XYLT2: variants seen among roughly 807,000 people sequenced by gnomAD.
The protein encoded by XYLT2 is UDP-D-xylose:proteoglycan core protein beta-D-xylosyltransferase.
A neutral mutation model predicts 82.6 loss-of-function variants in XYLT2; 37 were observed. That is an observed-to-expected ratio of 0.45 (90% CI 0.34 to 0.59). The LOEUF is 0.59. Among genes scored for constraint, XYLT2 ranks in the 20% least tolerant of loss-of-function variants. The pLI is 0.01. For synonymous variants in XYLT2, 474 were observed against 499.0 expected, an observed-to-expected ratio of 0.95 and a Z score of 0.67; for missense variants, 934 against 1,181.3, an observed-to-expected ratio of 0.79 and a Z score of 3.07.
chr17:50,349,070 T>G lies in XYLT2; in HGVS notation c.135+2795T>G, dbSNP rs114851952. 2.8e-3 allele frequency among the ~76,000 whole-genome samples: 420 copies of G among 152,298 alleles called. 2 individuals carry two copies. The highest frequency in any genetic ancestry group is 9.8e-3 in the African/African-American group (408 of 41,576). On this transcript the variant is annotated intron_variant, in intron 1 of 10. Transcript: ENST00000017003. Reference sequence around the variant, plus strand: ...CTTCTCAGGGTCAGCCAGCTCCCACTGCAGTGCAGGGACCAACATGCCCAT... The same window carrying G: ...CTTCTCAGGGTCAGCCAGCTCCCACGGCAGTGCAGGGACCAACATGCCCAT...
chr17:50,355,716 G>T lies in XYLT2; in HGVS notation c.1089-65G>T, dbSNP rs1453519936. ...CAGGTTGAGGAGTGTTGGTTGCCAG[G>T]CGGGTGAAAGAGCTTAGACCCCACC... On this transcript the variant is annotated intron_variant, in intron 5 of 10. Transcript: ENST00000017003. The T allele has an allele frequency of 3.8e-6, 6 of 1,594,344 alleles. No individual in the cohort carries two copies. The African/African-American group carries it at 8.1e-5, about 21-fold the overall frequency.
Position 50,354,573 on chromosome 17 carries a change from A to G in XYLT2, c.794A>G (p.His265Arg). 1 of 1,609,310 alleles carries G rather than the reference A, an allele frequency of 6.2e-7. No individual in the cohort carries two copies. Among genetic ancestry groups the G allele is most frequent in the East Asian group, 2.2e-5 (1 of 44,816 alleles). ...CACGAGCAGCACTTCTTTTACATCC[A>G]TGTGGACAAGGTACTGTGGTGGGGA... ...VYHEQHFFYI[H>R]VDKRSDYLHR... is the part of the protein sequence containing the mutation. Residue 265 changes from histidine (H) to arginine (R), a missense_variant, in exon 3 of 11, where the codon CAT becomes CGT. By Grantham distance (29) the His-to-Arg change is conservative. Around this residue, in one of 3 missense-constraint regions of XYLT2, gnomAD observed 371 missense variants for 394.9 expected, o/e 0.94. Transcript: ENST00000017003.
At position 50,358,579 on chromosome 17, in the gene XYLT2, C is replaced by G. The variant is rs564978530; in HGVS notation, c.2275+39C>G. ...TCTCAAATGAGGCCCAGAAGCCAGACAGAATAGGACTCGCCAGAGAGGTGA... is the reference window on the plus strand; with the variant it reads ...TCTCAAATGAGGCCCAGAAGCCAGAGAGAATAGGACTCGCCAGAGAGGTGA... On this transcript the variant is annotated intron_variant, in intron 10 of 10. Coordinates refer to ENST00000017003, the MANE Select transcript of XYLT2 (RefSeq NM_022167.4). 6 of 1,559,998 alleles carry G rather than the reference C, an allele frequency of 3.8e-6. No individual in the cohort carries two copies. The African/African-American group carries it at 4.1e-5, about 11-fold the overall frequency.
intron 7 of XYLT2, 115 bp downstream of exon 7, chr17:50,356,376 C>A: frequency 6.5e-7 from 1 of 1,550,170 alleles, no homozygotes; most frequent in Non-Finnish European, 8.7e-7. Context: ...TGCAGCAACC[C>A]TCAGGGGTCT....
Position 50,360,532 on chromosome 17 carries a change from C to T in XYLT2, c.*241C>T. 2 of 1,240,096 alleles carry T rather than the reference C, an allele frequency of 1.6e-6. No homozygotes were observed. The highest frequency in any genetic ancestry group is 1.0e-6 in the Non-Finnish European group (1 of 993,970). The allele number at this position is 1,240,096 out of a possible 1,614,324, so 76.8% of individuals were successfully genotyped here. A position where few individuals can be genotyped will look rare whatever the true frequency, so the allele number is the denominator to read the frequency against. ...CACCAGCAGCATTCCACACCCAGCT[C>T]TTCCTCACCTTCCTGTCTAGTTTGA... On this transcript the variant is annotated 3_prime_UTR_variant, in exon 11 of 11. Transcript: ENST00000017003.
At chr17:50,357,412 G>A (rs1468023109) in intron 9 of XYLT2, 160 bp downstream of exon 9, 2 of 680,748 alleles carry the variant, frequency 2.9e-6, no homozygotes, top group Non-Finnish European at 4.8e-6. Flanking sequence ...CCCCCAGCCT[G>A]TGCACACTGA....
Position 50,360,983 on chromosome 17 carries a change from C to T in XYLT2, c.*692C>T. 1.0e-6 allele frequency: 1 copy of T among 985,864 alleles called. No individual in the cohort carries two copies. Among genetic ancestry groups the T allele is most frequent in the Non-Finnish European group, 1.2e-6 (1 of 829,934 alleles). The allele number at this position is 985,864 out of a possible 1,614,324, so 61.1% of individuals were successfully genotyped here. The stretch of plus-strand genomic sequence containing the variant: ...TGGATGGGAAAGGCAGGGTCAGGGC[C>T]CACTGAGACCCATGCAGAGTTTCCA... On this transcript the variant is annotated 3_prime_UTR_variant, in exon 11 of 11. Coordinates refer to ENST00000017003, the MANE Select transcript of XYLT2 (RefSeq NM_022167.4).
Position 50,356,128 on chromosome 17 carries a change from C to T in XYLT2, c.1349C>T (p.Thr450Ile). The change falls in exon 7 of 11, where the codon ACC becomes ATC. Residue 450 changes from threonine to isoleucine, a missense_variant. This residue lies in a region of XYLT2 where 189 missense variants were observed against 320.8 expected (regional missense o/e 0.59). Coordinates refer to ENST00000017003, the MANE Select transcript of XYLT2 (RefSeq NM_022167.4). ...TVLENSLACE[T>I]LVDNNLRVTN... is the part of the protein sequence containing the mutation. ...CTGGAGAACAGCCTGGCCTGTGAGA[C>T]CCTCGTGGACAACAACCTGCGGGTC... The T allele has an allele frequency of 2.5e-6, 4 of 1,614,232 alleles. No individual in the cohort carries two copies. Among genetic ancestry groups the T allele is most frequent in the Non-Finnish European group, 3.4e-6 (4 of 1,180,040 alleles).
intron 1 of XYLT2, among the ~76,000 whole-genome samples, chr17:50,353,081 G>A (rs1912337692): frequency 6.6e-6 from 1 of 152,200 alleles, no homozygotes; most frequent in South Asian, 2.1e-4. Flanking sequence ...GACCTAAGCA[G>A]TATTGGGGTC....
At chr17:50,349,426 GC>G (rs565145819) in intron 1 of XYLT2, among the ~76,000 whole-genome samples, 65 of 152,052 alleles carry the variant, frequency 4.3e-4, no homozygotes, top group African/African-American at 1.4e-3. Flanking sequence ...GGGAATGGGC[GC>G]CCCCAGCTCC....
Position 50,346,657 on chromosome 17 carries a change from G to C in XYLT2, c.135+382G>C, listed in dbSNP as rs533980503. The C allele has an allele frequency of 1.1e-3, 1,129 of 985,380 alleles. No individual in the cohort carries two copies. Among genetic ancestry groups the C allele is most frequent in the Non-Finnish European group, 1.3e-3 (1,092 of 829,914 alleles). 61.0% of individuals were successfully genotyped at this position (985,380 alleles called of 1,614,324 possible). On this transcript the variant is annotated intron_variant, in intron 1 of 10. Transcript: ENST00000017003. This position sits in a 1 kb window ranked among gnomAD's most constrained non-coding sequence, Gnocchi z 5.1. ...GCCCCAGGCCAAACTTTCTGAAGTTGGGAGGGGGCGGGGATATGCGCGCCG... is the reference window on the plus strand; with the variant it reads ...GCCCCAGGCCAAACTTTCTGAAGTTCGGAGGGGGCGGGGATATGCGCGCCG...
At chr17:50,351,625 C>T in intron 1 of XYLT2, among the ~76,000 whole-genome samples, 1 of 152,232 alleles carries the variant, frequency 6.6e-6, no homozygotes, top group South Asian at 2.1e-4. Flanking sequence ...CAGAGCAAGA[C>T]TCTATCTAAA....
rs200597907 is a variant in XYLT2 at position 50,360,062 on chromosome 17, C to T, written c.2369C>T (p.Pro790Leu). The T allele has an allele frequency of 6.2e-6, 10 of 1,613,956 alleles. No individual in the cohort carries two copies. The highest frequency in any genetic ancestry group is 7.6e-6 in the Non-Finnish European group (9 of 1,179,986). Residue 790 changes from proline (P) to leucine (L), a missense_variant, in exon 11 of 11, where the codon CCG (proline) becomes CTG (leucine). Pro to Leu is a moderately conservative substitution (Grantham distance 98). Coordinates refer to ENST00000017003, the MANE Select transcript of XYLT2 (RefSeq NM_022167.4). ...GLSSILNLPQ[P>L]ELAEEAAQRH... ...AGTAGCATCCTGAACCTGCCTCAGC[C>T]GGAGCTCGCGGAGGAGGCTGCCCAG...
chr17:50,361,104 C>T lies in XYLT2; in HGVS notation c.*813C>T, dbSNP rs994241638. The T allele has an allele frequency of 1.0e-5, 10 of 985,744 alleles. No individual in the cohort carries two copies. Among genetic ancestry groups the T allele is most frequent in the Middle Eastern group, 1.0e-3 (2 of 1,936 alleles). The allele number at this position is 985,744 out of a possible 1,614,324, so 61.1% of individuals were successfully genotyped here. ...TGGAGTAATTGTGCCTGAAGCTCAG[C>T]GTGAAGTCTGAAATATGCAACAGAA... On this transcript the variant is annotated 3_prime_UTR_variant, in exon 11 of 11. Transcript: ENST00000017003.
rs948258275 is a variant in XYLT2, at chr17:50,356,134, T to G, written c.1355T>G (p.Val452Gly). Residue 452 changes from valine (V) to glycine (G), a missense_variant, in exon 7 of 11, where the codon GTG becomes GGG. Val to Gly is a moderately radical substitution (Grantham distance 109, BLOSUM62 -3). Coordinates refer to ENST00000017003, the MANE Select transcript of XYLT2 (RefSeq NM_022167.4). ...LENSLACETLVDNNLRVTNWN... is the reference protein window; with the variant it reads ...LENSLACETLGDNNLRVTNWN... ...AACAGCCTGGCCTGTGAGACCCTCG[T>G]GGACAACAACCTGCGGGTCACCAAC... The G allele has an allele frequency of 1.9e-6, 3 of 1,614,110 alleles. No homozygotes were observed. The highest frequency in any genetic ancestry group is 2.5e-6 in the Non-Finnish European group (3 of 1,180,034).
intron 2 of XYLT2, 48 bp from the exon 3 acceptor site, chr17:50,354,360 C>A: frequency 6.4e-7 from 1 of 1,552,776 alleles, no homozygotes; most frequent in South Asian, 1.2e-5. Flanking sequence ...CTCACCCCCA[C>A]CCTGTGACCT....
intron 5 of XYLT2, 54 bp from the exon 6 acceptor site, chr17:50,355,727 A>C: frequency 6.2e-7 from 1 of 1,602,374 alleles, no homozygotes; most frequent in Non-Finnish European, 8.5e-7. Context: ...CGGGTGAAAG[A>C]GCTTAGACCC....
rs550341230 is a variant in XYLT2 at position 50,356,779 on chromosome 17, AC to A, written c.1745+11del. 55 of 1,597,770 alleles carry A rather than the reference AC, an allele frequency of 3.4e-5. 2 individuals are homozygous for A. The African/African-American group carries it at 6.8e-4, about 20-fold the overall frequency. On this transcript the variant is annotated splice_region_variant and intron_variant, in intron 8 of 10. Transcript: ENST00000017003. ...ATGGGCACCCCACTCTGCAGGTGAG[AC>A]CCCCTTCTGACATACAGCAGGCCCT... is the stretch of plus-strand genomic sequence containing the variant.
Position 50,346,576 on chromosome 17 carries a change from C to T in XYLT2, c.135+301C>T, listed in dbSNP as rs982879098. The T allele has an allele frequency of 1.0e-6, 1 of 977,808 alleles. No individual in the cohort carries two copies. The highest frequency in any genetic ancestry group is 1.2e-6 in the Non-Finnish European group (1 of 823,146). 60.6% of individuals were successfully genotyped at this position (977,808 alleles called of 1,614,324 possible). A position where few individuals can be genotyped will look rare whatever the true frequency, so the allele number is the denominator to read the frequency against. On this transcript the variant is annotated intron_variant, in intron 1 of 10. Transcript: ENST00000017003. The surrounding 1 kb of genome is among the most constrained non-coding windows in gnomAD (Gnocchi z 5.1). ...GGCCAAGGGAGCGATGAAGGTCAGG[C>T]GCGGCGAGCGGGGCTGGGAGGCGGG...
Sources: gnomAD v4.1 joint callset for allele counts (sites outside exome capture counted in the v4.1 genomes callset) on GRCh38, gnomAD v4.1.1 for gene constraint, gnomAD v4.1.1 regional missense constraint, Gnocchi (gnomAD v3.1) non-coding constraint, MANE v1.5 for transcripts, NCBI Gene and HGNC (gene_info 2026-07-23, HGNC 2026-07-21) for gene names.